The following MTERF4 variants were observed in gnomAD, a reference collection of about 807,000 sequenced individuals.
The protein encoded by MTERF4 is transcription termination factor 4, mitochondrial.
Under a neutral mutation model 22.5 loss-of-function variants are expected in MTERF4, and 17 were observed. The observed-to-expected ratio is 0.75, with a 90% CI of 0.52 to 1.13. The LOEUF is 1.13. MTERF4 is among the 50% of genes most tolerant of loss of function. The pLI is 0.00. For synonymous variants in MTERF4, 165 were observed against 175.3 expected, an observed-to-expected ratio of 0.94 and a Z score of 0.47; for missense variants, 420 against 466.8, an observed-to-expected ratio of 0.90 and a Z score of 0.92.
At chr2:241,069,844 C>T (rs187126875), downstream of MTERF4, 133 of 1,522,790 alleles carry the variant, frequency 8.7e-5, no homozygotes, top group African/African-American at 1.7e-3. The surrounding 1 kb of genome is among the most constrained non-coding windows in gnomAD (Gnocchi z 4.9). Flanking sequence ...CAGCCCATGT[C>T]CGGTTCTCAA....
Position 241,073,204 on chromosome 2 carries a change from C to T in MTERF4, n.2958G>A, listed in dbSNP as rs1483797790. 12 of 1,253,784 alleles carry T rather than the reference C, an allele frequency of 9.6e-6. No individual in the cohort carries two copies. Among genetic ancestry groups the T allele is most frequent in the Non-Finnish European group, 1.4e-5 (12 of 882,014 alleles). 77.7% of individuals were successfully genotyped at this position (1,253,784 alleles called of 1,614,324 possible). ...GATATAGAAGCACTCAAAAGGGTGG[C>T]CCCAGGACCATCCCGGGTGCAAAGC... is the stretch of plus-strand genomic sequence containing the variant. On this transcript the variant is annotated non_coding_transcript_exon_variant, in exon 5 of 5. Transcript: ENST00000464344. This position sits in a 1 kb window ranked among gnomAD's most constrained non-coding sequence, Gnocchi z 6.6.
chr2:241,089,271 G>A, downstream of MTERF4: 7 of 1,544,234 alleles, frequency 4.5e-6, no homozygotes, highest in Non-Finnish European at 6.1e-6. Flanking sequence ...GCCCCTTATA[G>A]GAGCCCTCAC....
chr2:241,054,429 C>T, the MTERF4 span, among the ~76,000 whole-genome samples: 3 of 152,130 alleles, frequency 2.0e-5, no homozygotes, highest in African/African-American at 2.4e-5. Context: ...ACTAGCCCGG[C>T]GTGGTGGCAC....
At chr2:241,084,653 C>G (rs1394502159), downstream of MTERF4, among the ~76,000 whole-genome samples, 1 of 152,088 alleles carries the variant, frequency 6.6e-6, no homozygotes, top group Non-Finnish European at 1.5e-5. Context: ...CAAAAATTAT[C>G]TTGTTTTAGA....
the MTERF4 span, chr2:241,051,918 G>T: frequency 6.8e-7 from 1 of 1,477,354 alleles, no homozygotes; most frequent in East Asian, 2.5e-5. The surrounding 1 kb of genome is among the most constrained non-coding windows in gnomAD (Gnocchi z 4.7). Context: ...CTGAGCTGGG[G>T]CCCCTGATGC....
Position 241,096,126 on chromosome 2 carries a change from C to G in MTERF4, c.1018G>C (p.Asp340His), listed in dbSNP as rs538514208. 9.7e-5 allele frequency: 156 copies of G among 1,614,012 alleles called. 3 individuals are homozygous for G. In the South Asian group the frequency reaches 1.7e-3, roughly 17 times the overall value. The change falls in exon 4 of 4, where the codon GAT becomes CAT. Residue 340 changes from aspartate (D) to histidine (H), a missense_variant. Coordinates refer to ENST00000391980, the MANE Select transcript of MTERF4 (RefSeq NM_182501.4). This position sits in a 1 kb window ranked among gnomAD's most constrained non-coding sequence, Gnocchi z 5.1. ...STSDDKRASL[D>H]EDEDDDDEED... ...TCATCATCGTCATCCTCATCCTCAT[C>G]CAGACTTGCCCTTTTGTCATCAGAT...
chr2:241,090,813 G>A (rs1414869463), downstream of MTERF4, among the ~76,000 whole-genome samples: 1 of 151,400 alleles, frequency 6.6e-6, no homozygotes, highest in Non-Finnish European at 1.5e-5. Context: ...GTTGCAGTGG[G>A]CTGAGATTGC....
chr2:241,067,974 G>A (rs1319122333), downstream of MTERF4: 1 of 1,589,354 alleles, frequency 6.3e-7, no homozygotes, highest in African/African-American at 1.3e-5. Context: ...AGAGCATGGG[G>A]CTGGGGTGAA....
chr2:241,093,641 C>T (rs1022016767), downstream of MTERF4: 3 of 152,124 alleles, frequency 2.0e-5, no homozygotes, highest in African/African-American at 7.2e-5. Flanking sequence ...CTTGTGTCAA[C>T]AAGAACTGGC....
chr2:241,071,512 CA>C, downstream of MTERF4: 1 of 1,530,468 alleles, frequency 6.5e-7, no homozygotes. Context: ...ACCCATGCCA[CA>C]GGGGCAGGGA....
chr2:241,080,425 T>A (rs2063276121), intron 4 of MTERF4, among the ~76,000 whole-genome samples: 1 of 152,224 alleles, frequency 6.6e-6, no homozygotes, highest in Non-Finnish European at 1.5e-5. Flanking sequence ...AGCTGTGACA[T>A]CCCATAATAG....
At chr2:241,086,480 T>C (rs1194448676), downstream of MTERF4, among the ~76,000 whole-genome samples, 1 of 152,210 alleles carries the variant, frequency 6.6e-6, no homozygotes, top group African/African-American at 2.4e-5. Flanking sequence ...CAAAAACTTC[T>C]CTAGGCTGAA....
the MTERF4 span, among the ~76,000 whole-genome samples, chr2:241,067,134 CA>C: frequency 6.6e-6 from 1 of 152,194 alleles, no homozygotes; most frequent in African/African-American, 2.4e-5. Flanking sequence ...CTGCCCGCTG[CA>C]GAGTTGGGGC....
chr2:241,046,516 A>G, the MTERF4 span, among the ~76,000 whole-genome samples: 6 of 152,232 alleles, frequency 3.9e-5, no homozygotes, highest in African/African-American at 9.6e-5. Context: ...GATGGATCTC[A>G]GGGGAATTAT....
chr2:241,096,873 C>A lies in MTERF4; in HGVS notation c.705+370G>T, dbSNP rs968164343. On this transcript the variant is annotated intron_variant, in intron 3 of 3. Transcript: ENST00000391980. The surrounding 1 kb of genome is among the most constrained non-coding windows in gnomAD (Gnocchi z 5.1). ...CAACATGCAAAATAGATTCTAAGGA[C>A]AGGAAGGTTTCAGCTATTTTAAAAT... 5.4e-5 allele frequency: 31 copies of A among 574,968 alleles called. No individual in the cohort carries two copies. Among genetic ancestry groups the A allele is most frequent in the Non-Finnish European group, 9.3e-5 (30 of 323,512 alleles). The allele number at this position is 574,968 out of a possible 1,614,324, so 35.6% of individuals were successfully genotyped here.
At chr2:241,052,771 T>C in the MTERF4 span, among the ~76,000 whole-genome samples, 1 of 95,946 alleles carries the variant, frequency 1.0e-5, no homozygotes, top group African/African-American at 4.9e-5. Flanking sequence ...GCAGGGTACA[T>C]GGGATGCTGG....
At chr2:241,062,677 A>G in the MTERF4 span, 8 of 759,670 alleles carry the variant, frequency 1.1e-5, no homozygotes, top group African/African-American at 5.2e-5. Context: ...GGCCTTTCCA[A>G]CCACTGATGA....
chr2:241,092,935 C>T (rs890354953), downstream of MTERF4: 1 of 152,282 alleles, frequency 6.6e-6, no homozygotes, highest in South Asian at 2.1e-4. The surrounding 1 kb of genome is among the most constrained non-coding windows in gnomAD (Gnocchi z 4.6). Context: ...CGCCCTGCCG[C>T]GTCACCCTGA....
the MTERF4 span, among the ~76,000 whole-genome samples, chr2:241,044,706 CTT>C: frequency 6.5e-4 from 99 of 152,296 alleles, 1 homozygote; most frequent in African/African-American, 2.2e-3. Context: ...CTCAAGTGCC[CTT>C]AAACTGCGAA....
Sources: allele counts gnomAD v4.1 joint callset (sites outside exome capture counted in the v4.1 genomes callset), GRCh38; gene constraint gnomAD v4.1.1; non-coding constraint Gnocchi (gnomAD v3.1); transcripts MANE v1.5; gene names NCBI Gene and HGNC (gene_info 2026-07-23, HGNC 2026-07-21).